ZNF385B: variants seen among roughly 807,000 people sequenced by gnomAD.
ZNF385B encodes zinc finger protein 533.
ZNF385B carries 23 observed loss-of-function variants against 39.2 expected under a neutral mutation model. That is an observed-to-expected ratio of 0.59 (90% CI 0.42 to 0.83). ZNF385B has a LOEUF of 0.83. Ranked by LOEUF, ZNF385B falls within the 40% of genes least tolerant of loss-of-function variation. The probability of loss-of-function intolerance (pLI) is 0.00; values close to 1 mark genes in which losing one functional copy is unlikely to be tolerated. For missense variants in ZNF385B, 552 were observed against 598.9 expected (o/e 0.92, Z 0.82); for synonymous variants, 205 against 222.6 (o/e 0.92, Z 0.70).
intron 1 of ZNF385B, among the ~76,000 whole-genome samples, chr2:179,837,355 G>A (rs1442546199): frequency 6.6e-6 from 1 of 152,146 alleles, no homozygotes; most frequent in Non-Finnish European, 1.5e-5. Context: ...GGATTACAAG[G>A]TCAAAAGAAA....
At chr2:179,647,973 C>T (rs527763459) in intron 3 of ZNF385B, among the ~76,000 whole-genome samples, 2 of 151,948 alleles carry the variant, frequency 1.3e-5, no homozygotes, top group African/African-American at 4.8e-5. Flanking sequence ...CCCTTGGGGA[C>T]TTAGAAAAGG....
chr2:179,608,876 G>A (rs991445463), intron 3 of ZNF385B, among the ~76,000 whole-genome samples: 14 of 149,024 alleles, frequency 9.4e-5, no homozygotes, highest in Non-Finnish European at 1.6e-4. Flanking sequence ...GTGTGTGTGT[G>A]TGTGTGTGTG....
chr2:179,830,247 G>C (rs1388224280), intron 1 of ZNF385B, among the ~76,000 whole-genome samples: 1 of 152,226 alleles, frequency 6.6e-6, no homozygotes, highest in African/African-American at 2.4e-5. Context: ...TAAGGATGTG[G>C]AGAAACAGAT....
chr2:179,518,784 A>G (rs2058277604), intron 4 of ZNF385B, 146 bp from the exon 5 acceptor site: 1 of 459,848 alleles, frequency 2.2e-6, no homozygotes, highest in Non-Finnish European at 3.8e-6. Flanking sequence ...CAACAGTAAT[A>G]TATTTGTCTC....
rs995660079 is a variant in ZNF385B at position 179,578,138 on chromosome 2, T to C, written c.299-33169A>G. Among the ~76,000 whole-genome samples the C allele has an allele frequency of 1.8e-4, 27 of 152,142 alleles. No homozygotes were observed. The South Asian group carries it at 1.9e-3, about 10-fold the overall frequency. On this transcript the variant is annotated intron_variant, in intron 3 of 9. Coordinates refer to ENST00000410066, the MANE Select transcript of ZNF385B (RefSeq NM_152520.6). Reference sequence around the variant, plus strand: ...TTTGGATAATGTTTATATTTATGTATGTTGCACATTTAAGTACTATAGACT... The same window carrying C: ...TTTGGATAATGTTTATATTTATGTACGTTGCACATTTAAGTACTATAGACT...
chr2:179,790,744 G>A, intron 1 of ZNF385B, among the ~76,000 whole-genome samples: 1 of 152,140 alleles, frequency 6.6e-6, no homozygotes, highest in East Asian at 1.9e-4. Context: ...TCACTTGATA[G>A]TAATCTTGAG....
rs780105870 is a variant in ZNF385B at position 179,643,952 on chromosome 2, C to A, written c.299-98983G>T. ...ATGTTATGTTTATAAATGTTAAAAA[C>A]ATTCAAAATCCTGCGCACCACTCTA... On this transcript the variant is annotated intron_variant, in intron 3 of 9. Coordinates refer to ENST00000410066, the MANE Select transcript of ZNF385B (RefSeq NM_152520.6). Among the ~76,000 whole-genome samples the A allele has an allele frequency of 2.2e-4, 33 of 152,198 alleles. No homozygotes were observed. In the Middle Eastern group the frequency reaches 0.01, roughly 47 times the overall value.
chr2:179,442,342 T>A lies in ZNF385B; in HGVS notation c.*908A>T, dbSNP rs1035390269. The A allele has an allele frequency of 2.6e-5, 4 of 152,682 alleles. No individual in the cohort carries two copies. The highest frequency in any genetic ancestry group is 4.8e-5 in the African/African-American group (2 of 41,476). The allele number at this position is 152,682 out of a possible 1,614,324, so 9.5% of individuals were successfully genotyped here. ...TATATAGAAATACATGGATTCATTGTCTTCTTGCAGAATGCACAAGAGGTG... is the reference window on the plus strand; with the variant it reads ...TATATAGAAATACATGGATTCATTGACTTCTTGCAGAATGCACAAGAGGTG... On this transcript the variant is annotated 3_prime_UTR_variant, in exon 10 of 10. Coordinates refer to ENST00000410066, the MANE Select transcript of ZNF385B (RefSeq NM_152520.6).
At chr2:179,718,339 G>GAT (rs1004324057) in intron 3 of ZNF385B, among the ~76,000 whole-genome samples, 7 of 147,818 alleles carry the variant, frequency 4.7e-5, no homozygotes, top group South Asian at 4.2e-4. Flanking sequence ...TTATCATAAA[G>GAT]ATATATATAT....
chr2:179,513,432 G>A (rs2057836385), intron 5 of ZNF385B, among the ~76,000 whole-genome samples: 2 of 152,132 alleles, frequency 1.3e-5, no homozygotes, highest in Non-Finnish European at 2.9e-5. Context: ...TAGCAAGGAG[G>A]CTGCTGGTCA....
At chr2:179,479,847 A>T (rs2105575576) in intron 6 of ZNF385B, among the ~76,000 whole-genome samples, 1 of 152,254 alleles carries the variant, frequency 6.6e-6, no homozygotes, top group African/African-American at 2.4e-5. Context: ...TCAAAAAAAT[A>T]AATAAATAAA....
At chr2:179,722,244 A>G (rs1257426907) in intron 3 of ZNF385B, among the ~76,000 whole-genome samples, 2 of 152,150 alleles carry the variant, frequency 1.3e-5, no homozygotes, top group East Asian at 3.8e-4. Flanking sequence ...GCACTTAGAT[A>G]AAAAGACTCA....
chr2:179,482,237 C>T (rs956098658), intron 6 of ZNF385B, among the ~76,000 whole-genome samples: 7 of 152,170 alleles, frequency 4.6e-5, no homozygotes, highest in Non-Finnish European at 1.0e-4. Flanking sequence ...CCAAAAGCCA[C>T]GGGAAAGCAG....
intron 3 of ZNF385B, among the ~76,000 whole-genome samples, chr2:179,694,767 T>TA (rs994946594): frequency 3.3e-5 from 5 of 151,816 alleles, no homozygotes; most frequent in African/African-American, 7.3e-5. Context: ...CCATCTCTAC[T>TA]AAAAAATACA....
intron 3 of ZNF385B, among the ~76,000 whole-genome samples, chr2:179,583,127 C>G (rs1377190989): frequency 6.6e-6 from 1 of 152,102 alleles, no homozygotes; most frequent in Admixed American, 6.6e-5. Context: ...GGAGGCATGA[C>G]CTTCTTCACC....
intron 5 of ZNF385B, among the ~76,000 whole-genome samples, chr2:179,500,185 T>C (rs2056626456): frequency 1.3e-5 from 2 of 152,070 alleles, no homozygotes; most frequent in African/African-American, 4.8e-5. Flanking sequence ...AGAATTAATA[T>C]TGTTAAAGTG....
chr2:179,517,243 A>T (rs1280404641), intron 5 of ZNF385B, among the ~76,000 whole-genome samples: 4 of 151,922 alleles, frequency 2.6e-5, no homozygotes, highest in Non-Finnish European at 5.9e-5. Context: ...TTTTCTATGT[A>T]TATTTAAGAA....
Position 179,557,437 on chromosome 2 carries a change from A to G in ZNF385B, c.299-12468T>C, listed in dbSNP as rs549203746. Reference sequence around the variant, plus strand: ...GCCAACATTTCTTTCCAATTTATAAAATAGCACAAGATTGATTATAACAGT... The same window carrying G: ...GCCAACATTTCTTTCCAATTTATAAGATAGCACAAGATTGATTATAACAGT... On this transcript the variant is annotated intron_variant, in intron 3 of 9. Coordinates refer to ENST00000410066, the MANE Select transcript of ZNF385B (RefSeq NM_152520.6). Among the ~76,000 whole-genome samples the G allele has an allele frequency of 4.6e-5, 7 of 150,748 alleles. 1 individual carries two copies. The highest frequency in any genetic ancestry group is 1.7e-4 in the African/African-American group (7 of 40,586).
At chr2:179,762,599 C>T (rs1214834854) in intron 3 of ZNF385B, among the ~76,000 whole-genome samples, 1 of 152,166 alleles carries the variant, frequency 6.6e-6, no homozygotes, top group East Asian at 1.9e-4. Flanking sequence ...TCAATTTGCT[C>T]ACATTTTGTT....
Sources: allele counts gnomAD v4.1 joint callset (sites outside exome capture counted in the v4.1 genomes callset), GRCh38; gene constraint gnomAD v4.1.1; transcripts MANE v1.5; gene names NCBI Gene and HGNC (gene_info 2026-07-23, HGNC 2026-07-21).